The following PEX5L variants were observed in gnomAD, a reference collection of about 807,000 sequenced individuals.
PEX5L encodes the protein PEX5-related protein.
PEX5L carries 30 observed loss-of-function variants against 84.0 expected under a neutral mutation model. The ratio of observed to expected loss-of-function variants is 0.36; its 90% CI spans 0.27 to 0.48. The LOEUF (loss-of-function observed/expected upper bound fraction) is 0.48. PEX5L is among the 20% of genes least tolerant of loss of function. The pLI, the probability that PEX5L is intolerant of heterozygous loss-of-function variation, is 0.99. For synonymous variants in PEX5L, 270 were observed against 283.1 expected (o/e 0.95, Z 0.46); for missense variants, 533 against 754.6 (o/e 0.71, Z 3.44).
intron 2 of PEX5L, among the ~76,000 whole-genome samples, chr3:179,968,612 C>T (rs947626371): frequency 6.6e-6 from 1 of 151,900 alleles, no homozygotes; most frequent in African/African-American, 2.4e-5. Context: ...TGATTACCTT[C>T]TACGCTTAAA....
chr3:179,866,264 T>C (rs1042522450), intron 7 of PEX5L, among the ~76,000 whole-genome samples: 2 of 152,156 alleles, frequency 1.3e-5, no homozygotes, highest in African/African-American at 4.8e-5. Flanking sequence ...CTATATATTA[T>C]CGCTGGAGGA....
At chr3:179,954,211 G>GGA (rs1553914074) in intron 2 of PEX5L, among the ~76,000 whole-genome samples, 2 of 135,008 alleles carry the variant, frequency 1.5e-5, no homozygotes, top group Non-Finnish European at 1.7e-5. Context: ...AGTCGGGGGG[G>GGA]GGGGAAAAAG....
chr3:179,827,601 A>C (rs558985853), intron 8 of PEX5L, among the ~76,000 whole-genome samples: 1 of 152,204 alleles, frequency 6.6e-6, no homozygotes, highest in African/African-American at 2.4e-5. Context: ...AATGTGCTAC[A>C]CAGCCATAGT....
chr3:179,984,997 G>A (rs990050167), intron 1 of PEX5L, among the ~76,000 whole-genome samples: 2 of 152,114 alleles, frequency 1.3e-5, no homozygotes, highest in Admixed American at 6.5e-5. Context: ...TTGTGTTCCC[G>A]TGCTCTTTTT....
chr3:180,003,393 GAA>G (rs890086894), intron 1 of PEX5L, among the ~76,000 whole-genome samples: 30 of 143,772 alleles, frequency 2.1e-4, no homozygotes, highest in Admixed American at 1.6e-3. Flanking sequence ...CTAAAAAAAA[GAA>G]AAAAAAAGAA....
In PEX5L at chr3:179,902,526, A is replaced by G. The variant is rs143909857; in HGVS notation, c.94-4280T>C. 2.8e-3 allele frequency: 744 copies of G among 266,666 alleles called. 7 individuals are homozygous for G. The highest frequency in any genetic ancestry group is 0.015 in the African/African-American group (689 of 45,308). 16.5% of individuals were successfully genotyped at this position (266,666 alleles called of 1,614,324 possible). A position where few individuals can be genotyped will look rare whatever the true frequency, so the allele number is the denominator to read the frequency against. ...GCTTTTGCTGCTTTTATCTTCACAG[A>G]AAAGTAACCTAAGTATTTCATATAT... On this transcript the variant is annotated intron_variant, in intron 2 of 14. Coordinates refer to ENST00000467460, the MANE Select transcript of PEX5L (RefSeq NM_016559.3).
intron 8 of PEX5L, among the ~76,000 whole-genome samples, chr3:179,840,409 G>A (rs1296945319): frequency 1.4e-5 from 2 of 144,040 alleles, no homozygotes; most frequent in African/African-American, 4.9e-5. Flanking sequence ...GGCTGGTCTC[G>A]AACTCCTGAC....
chr3:179,934,989 T>G (rs1774191194), intron 2 of PEX5L, among the ~76,000 whole-genome samples: 1 of 152,034 alleles, frequency 6.6e-6, no homozygotes, highest in Non-Finnish European at 1.5e-5. Context: ...AGAAATAACT[T>G]GGCCATGAAT....
At chr3:179,987,906 T>C (rs1331105957) in intron 1 of PEX5L, among the ~76,000 whole-genome samples, 1 of 152,196 alleles carries the variant, frequency 6.6e-6, no homozygotes, top group Admixed American at 6.5e-5. Flanking sequence ...TTGGTTTGTG[T>C]CAAATCAGGG....
At position 179,797,741 on chromosome 3, in the gene PEX5L, A is replaced by G. The variant is rs748948446; in HGVS notation, c.*4087T>C. On this transcript the variant is annotated 3_prime_UTR_variant, in exon 15 of 15. Transcript: ENST00000467460. Reference sequence around the variant, plus strand: ...TACGAAATGAATTTGAAATTATTTTACAAGGTTGAAATCATAAGTGTGCAC... The same window carrying G: ...TACGAAATGAATTTGAAATTATTTTGCAAGGTTGAAATCATAAGTGTGCAC... 1 of 151,832 alleles carries G rather than the reference A, an allele frequency of 6.6e-6. No homozygotes were observed. The highest frequency in any genetic ancestry group is 1.5e-5 in the Non-Finnish European group (1 of 67,958). 9.4% of individuals were successfully genotyped at this position (151,832 alleles called of 1,614,324 possible). A position where few individuals can be genotyped will look rare whatever the true frequency, so the allele number is the denominator to read the frequency against.
In PEX5L at chr3:180,036,922, C is replaced by G; in HGVS notation, c.-323G>C. 2.6e-6 allele frequency: 1 copy of G among 383,654 alleles called. No individual in the cohort carries two copies. The highest frequency in any genetic ancestry group is 3.6e-5 in the South Asian group (1 of 27,530). 23.8% of individuals were successfully genotyped at this position (383,654 alleles called of 1,614,324 possible). ...TAGAACTCACTCCTTCTTCGCCGAA[C>G]TCTTTCTCGCTTCCTGCCAGGTTGC... On this transcript the variant is annotated 5_prime_UTR_variant, in exon 1 of 15. Transcript: ENST00000467460.
chr3:179,964,744 A>G (rs1455410795), intron 2 of PEX5L, among the ~76,000 whole-genome samples: 3 of 152,202 alleles, frequency 2.0e-5, no homozygotes, highest in Non-Finnish European at 4.4e-5. Flanking sequence ...CCAAACCACA[A>G]TGAGATAACA....
At chr3:179,822,091 GC>G (rs1447549238) in intron 8 of PEX5L, among the ~76,000 whole-genome samples, 21 of 152,192 alleles carry the variant, frequency 1.4e-4, no homozygotes, top group African/African-American at 4.6e-4. Flanking sequence ...TTTCAAAGAT[GC>G]AGGTTTAACC....
intron 1 of PEX5L, among the ~76,000 whole-genome samples, chr3:180,021,243 C>T (rs548007692): frequency 2.0e-5 from 3 of 152,188 alleles, no homozygotes; most frequent in South Asian, 4.1e-4. Flanking sequence ...GGCACAAGTC[C>T]AATTTGGGGA....
chr3:179,849,596 A>G (rs1348649753), intron 8 of PEX5L, among the ~76,000 whole-genome samples: 1 of 152,256 alleles, frequency 6.6e-6, no homozygotes, highest in Non-Finnish European at 1.5e-5. Flanking sequence ...CTTCCAAGAA[A>G]TGATTCAAAC....
chr3:179,976,541 G>A (rs558713946), intron 1 of PEX5L, among the ~76,000 whole-genome samples: 32 of 152,184 alleles, frequency 2.1e-4, no homozygotes, highest in African/African-American at 5.5e-4. Context: ...GGGTTCAAGC[G>A]ATTCTCCTGC....
intron 1 of PEX5L, among the ~76,000 whole-genome samples, chr3:179,995,236 A>G (rs1001271114): frequency 1.5e-4 from 23 of 148,406 alleles, no homozygotes; most frequent in Non-Finnish European, 1.9e-4. Flanking sequence ...TAGTGTGTAT[A>G]TATATAGTAT....
intron 1 of PEX5L, chr3:179,973,207 T>C (rs1351572225): frequency 2.3e-6 from 3 of 1,288,504 alleles, no homozygotes; most frequent in Admixed American, 2.3e-5. Context: ...GGGCATTAAG[T>C]AGAGATGGAA....
At chr3:179,824,471 T>G (rs1376382681) in intron 8 of PEX5L, among the ~76,000 whole-genome samples, 1 of 152,116 alleles carries the variant, frequency 6.6e-6, no homozygotes. Flanking sequence ...TTTGGGAGAC[T>G]GAGGCAGGTG....
Sources: gnomAD v4.1 joint callset for allele counts (sites outside exome capture counted in the v4.1 genomes callset) on GRCh38, gnomAD v4.1.1 for gene constraint, MANE v1.5 for transcripts, NCBI Gene and HGNC (gene_info 2026-07-23, HGNC 2026-07-21) for gene names.